Variants in ZDHHC15 observed in about 807,000 individuals in gnomAD.
ZDHHC15 encodes the protein palmitoyltransferase ZDHHC15.
In ZDHHC15, 19 loss-of-function variants were observed where a neutral mutation model predicts 31.7. That is an observed-to-expected ratio of 0.60 (90% CI 0.42 to 0.88). The LOEUF (loss-of-function observed/expected upper bound fraction) is 0.88. Among genes scored for constraint, ZDHHC15 ranks in the 40% least tolerant of loss-of-function variants. The pLI is 0.00. For missense variants in ZDHHC15, 209 were observed against 251.2 expected, an observed-to-expected ratio of 0.83 and a Z score of 1.14; for synonymous variants, 103 against 90.0, an observed-to-expected ratio of 1.14 and a Z score of -0.82.
chrX:75,402,335 G>T (rs1345172784), intron 10 of ZDHHC15, among the ~76,000 whole-genome samples: 5 of 111,151 alleles, frequency 4.5e-5, no homozygotes, highest in Non-Finnish European at 1.9e-5. Context: ...GAAAGAATTA[G>T]AGAAGCAAGA....
intron 4 of ZDHHC15, among the ~76,000 whole-genome samples, chrX:75,442,813 C>T (rs866577831): frequency 1.1e-4 from 12 of 107,382 alleles, no homozygotes; most frequent in South Asian, 4.2e-4. Context: ...GGTGAAACCC[C>T]GTCTCTACTA....
intron 10 of ZDHHC15, chrX:75,384,307 C>G: frequency 4.4e-6 from 3 of 675,749 alleles, no homozygotes; most frequent in Non-Finnish European, 7.1e-6. Flanking sequence ...GGTAAATGCC[C>G]TTTTGGCTGG....
At chrX:75,491,029 G>C (rs2084878816) in intron 2 of ZDHHC15, among the ~76,000 whole-genome samples, 1 of 111,695 alleles carries the variant, frequency 9.0e-6, no homozygotes, top group South Asian at 3.8e-4. Context: ...CTGTTGGTGG[G>C]ACTGTAAACT....
intron 4 of ZDHHC15, among the ~76,000 whole-genome samples, chrX:75,441,163 C>T (rs905733552): frequency 5.4e-5 from 6 of 112,102 alleles, no homozygotes; most frequent in Non-Finnish European, 9.4e-5. Flanking sequence ...CTTCTGTGCT[C>T]GTATCTATAC....
Position 75,515,591 on chromosome X carries a change from G to A in ZDHHC15, c.136+7298C>T, listed in dbSNP as rs981870892. Among the ~76,000 whole-genome samples, 3 of 111,297 alleles carry A rather than the reference G, an allele frequency of 2.7e-5. No individual in the cohort carries two copies. In the Admixed American group the frequency reaches 2.9e-4, roughly 11 times the overall value. The stretch of plus-strand genomic sequence containing the variant: ...TATTGATGGAATGTATCTCAAAATA[G>A]TAAGAGCTATTTATGACAAACCCAC... On this transcript the variant is annotated intron_variant, in intron 1 of 11. Transcript: ENST00000373367.
chrX:75,410,877 G>A (rs773758175), intron 10 of ZDHHC15, among the ~76,000 whole-genome samples: 9 of 112,208 alleles, frequency 8.0e-5, no homozygotes, highest in Admixed American at 5.7e-4. Context: ...AGAAAATGTG[G>A]TATATGTACA....
intron 4 of ZDHHC15, among the ~76,000 whole-genome samples, chrX:75,441,742 G>GC (rs1477615597): frequency 9.3e-6 from 1 of 107,580 alleles, no homozygotes; most frequent in Non-Finnish European, 1.9e-5. Flanking sequence ...TCCTGCCTTA[G>GC]CCCCCCGAGT....
intron 3 of ZDHHC15, among the ~76,000 whole-genome samples, chrX:75,460,702 G>A (rs2084299562): frequency 9.0e-6 from 1 of 110,760 alleles, no homozygotes; most frequent in South Asian, 3.8e-4. Context: ...CAGCCCTATA[G>A]GAGAGTGACC....
At chrX:75,434,408 T>C (rs1366244501) in intron 4 of ZDHHC15, among the ~76,000 whole-genome samples, 2 of 112,179 alleles carry the variant, frequency 1.8e-5, no homozygotes, top group East Asian at 5.6e-4. Flanking sequence ...ACTATTTGCA[T>C]AGGCCAATAT....
chrX:75,459,933 TG>T (rs900297664), intron 3 of ZDHHC15, among the ~76,000 whole-genome samples: 1 of 112,232 alleles, frequency 8.9e-6, no homozygotes, highest in African/African-American at 3.2e-5. Context: ...TGGAGTGCAA[TG>T]GCACAATCTC....
At chrX:75,429,848 G>A in intron 6 of ZDHHC15, 100 bp downstream of exon 6, 5 of 861,995 alleles carry the variant, frequency 5.8e-6, no homozygotes, top group Non-Finnish European at 8.2e-6. Flanking sequence ...AGTGAATTAT[G>A]GTGGCAGAAA....
chrX:75,507,057 A>G (rs1423385654), intron 1 of ZDHHC15, among the ~76,000 whole-genome samples: 1 of 111,528 alleles, frequency 9.0e-6, no homozygotes, highest in African/African-American at 3.3e-5. Flanking sequence ...GGGAACAGCT[A>G]TCTGTAAATA....
At position 75,480,864 on chromosome X, in the gene ZDHHC15, AACT is replaced by A. The variant is rs758491484; in HGVS notation, c.164-1882_164-1880del. On this transcript the variant is annotated intron_variant, in intron 2 of 11. Transcript: ENST00000373367. The stretch of plus-strand genomic sequence containing the variant: ...CTATAGGATCAATTCTCTGAAGTGG[AACT>A]GCAAGGTCAAAAAGCATGTCTTTTT... Among the ~76,000 whole-genome samples, 4 of 111,791 alleles carry A rather than the reference AACT, an allele frequency of 3.6e-5. No individual in the cohort carries two copies. In the East Asian group the frequency reaches 1.1e-3, roughly 31 times the overall value.
At chrX:75,497,373 A>G (rs995329654) in intron 2 of ZDHHC15, among the ~76,000 whole-genome samples, 1 of 112,018 alleles carries the variant, frequency 8.9e-6, no homozygotes. Context: ...ATCCAGGACC[A>G]GATAAATTCA....
intron 4 of ZDHHC15, among the ~76,000 whole-genome samples, chrX:75,433,569 G>A (rs2083807865): frequency 9.1e-6 from 1 of 109,597 alleles, no homozygotes; most frequent in African/African-American, 3.3e-5. Flanking sequence ...ATAGAATAAT[G>A]GTCTCCAACT....
intron 1 of ZDHHC15, among the ~76,000 whole-genome samples, chrX:75,520,857 T>A (rs2085432184): frequency 9.0e-6 from 1 of 111,285 alleles, no homozygotes; most frequent in Admixed American, 9.6e-5. Context: ...GTAAAAAAAA[T>A]TCCAATTGTG....
intron 3 of ZDHHC15, among the ~76,000 whole-genome samples, chrX:75,457,611 T>A (rs995251994): frequency 4.6e-5 from 5 of 108,079 alleles, no homozygotes; most frequent in Admixed American, 1.0e-4. Context: ...TCTGGGTGTA[T>A]ATGTGTGAGC....
chrX:75,425,977 C>T (rs4892580), intron 7 of ZDHHC15, among the ~76,000 whole-genome samples: 65,488 of 110,247 alleles, frequency 0.59, 17,059 homozygotes, highest in Middle Eastern at 0.83. Flanking sequence ...GTGAAAATTG[C>T]ATAGGGGCAG....
intron 1 of ZDHHC15, among the ~76,000 whole-genome samples, chrX:75,516,837 T>A (rs2085365621): frequency 8.9e-6 from 1 of 111,926 alleles, no homozygotes; most frequent in South Asian, 3.7e-4. Context: ...AATCTACACA[T>A]CTGACAAAGG....
Sources: allele counts gnomAD v4.1 joint callset (sites outside exome capture counted in the v4.1 genomes callset), GRCh38; gene constraint gnomAD v4.1.1; transcripts MANE v1.5; gene names NCBI Gene and HGNC (gene_info 2026-07-23, HGNC 2026-07-21).